The following ZRANB1 variants were observed in gnomAD, a reference collection of about 807,000 sequenced individuals.
ZRANB1 encodes the protein ubiquitin thioesterase ZRANB1.
Under a neutral mutation model 80.5 loss-of-function variants are expected in ZRANB1, and 16 were observed. That is an observed-to-expected ratio of 0.20 (90% CI 0.13 to 0.30). The LOEUF (loss-of-function observed/expected upper bound fraction) is 0.30, where lower values mean the gene tolerates loss of function less well. Among genes scored for constraint, ZRANB1 ranks in the 10% least tolerant of loss-of-function variants. The pLI is 1.00. For synonymous variants in ZRANB1, 291 were observed against 293.1 expected (o/e 0.99, Z 0.07); for missense variants, 576 against 862.6 (o/e 0.67, Z 4.16).
the ZRANB1 span, among the ~76,000 whole-genome samples, chr10:124,935,267 A>G: frequency 6.6e-6 from 1 of 152,178 alleles, no homozygotes; most frequent in Non-Finnish European, 1.5e-5. Context: ...TGAGAGAAAA[A>G]CATGTAATAG....
At chr10:124,936,629 A>G in the ZRANB1 span, among the ~76,000 whole-genome samples, 1 of 152,178 alleles carries the variant, frequency 6.6e-6, no homozygotes, top group Non-Finnish European at 1.5e-5. Context: ...CCTGTTGACT[A>G]TTGCGAAGAA....
At chr10:124,982,729 T>C (rs1356145634) in intron 6 of ZRANB1, among the ~76,000 whole-genome samples, 1 of 152,210 alleles carries the variant, frequency 6.6e-6, no homozygotes, top group Non-Finnish European at 1.5e-5. Flanking sequence ...GATGGACCCA[T>C]TTAATATTAG....
chr10:124,936,839 T>C, the ZRANB1 span, among the ~76,000 whole-genome samples: 2 of 152,208 alleles, frequency 1.3e-5, no homozygotes, highest in African/African-American at 4.8e-5. Flanking sequence ...ATCCCTAAGA[T>C]GTTCTCTGAG....
At chr10:124,950,355 T>A (rs928447931) in intron 1 of ZRANB1, among the ~76,000 whole-genome samples, 1 of 151,984 alleles carries the variant, frequency 6.6e-6, no homozygotes, top group Non-Finnish European at 1.5e-5. Flanking sequence ...AACTCCTGGG[T>A]TCAAGCAGCC....
At chr10:124,978,874 C>A (rs1182986373) in intron 5 of ZRANB1, among the ~76,000 whole-genome samples, 4 of 150,322 alleles carry the variant, frequency 2.7e-5, no homozygotes, top group African/African-American at 9.8e-5. Flanking sequence ...CAGACTCCCA[C>A]CTCGGCCTCC....
intron 5 of ZRANB1, among the ~76,000 whole-genome samples, chr10:124,977,049 C>G (rs558420668): frequency 6.6e-6 from 1 of 152,200 alleles, no homozygotes; most frequent in Non-Finnish European, 1.5e-5. Flanking sequence ...CTCACTGCAT[C>G]CTTCACTTTC....
chr10:124,958,957 C>T (rs553615750), intron 1 of ZRANB1, among the ~76,000 whole-genome samples: 20 of 152,186 alleles, frequency 1.3e-4, no homozygotes, highest in Non-Finnish European at 2.4e-4. Context: ...ATTACAGCGG[C>T]GAGCCTTGGC....
At chr10:124,953,375 A>C (rs1377272242) in intron 1 of ZRANB1, among the ~76,000 whole-genome samples, 1 of 152,220 alleles carries the variant, frequency 6.6e-6, no homozygotes, top group Non-Finnish European at 1.5e-5. Context: ...TTTCCAAGAC[A>C]CAAATGGTAA....
chr10:124,933,832 AC>A, the ZRANB1 span, among the ~76,000 whole-genome samples: 1 of 152,194 alleles, frequency 6.6e-6, no homozygotes. Flanking sequence ...CTTTCTTGTT[AC>A]GATTGAGGAA....
At chr10:124,929,975 A>G in the ZRANB1 span, among the ~76,000 whole-genome samples, 44 of 150,102 alleles carry the variant, frequency 2.9e-4, no homozygotes, top group Non-Finnish European at 5.2e-4. Flanking sequence ...GATATGGGGT[A>G]CTTTAAGAGG....
At chr10:124,965,974 C>A (rs1404153444) in intron 1 of ZRANB1, among the ~76,000 whole-genome samples, 1 of 152,126 alleles carries the variant, frequency 6.6e-6, no homozygotes, top group Non-Finnish European at 1.5e-5. Flanking sequence ...TATATGAAAT[C>A]ATCTGGTCCA....
At chr10:124,978,411 G>A (rs921689283) in intron 5 of ZRANB1, among the ~76,000 whole-genome samples, 8 of 152,132 alleles carry the variant, frequency 5.3e-5, no homozygotes, top group African/African-American at 1.9e-4. Context: ...TCTTTTATTT[G>A]AACCCCTCCA....
chr10:124,930,406 T>A, the ZRANB1 span, among the ~76,000 whole-genome samples: 1 of 152,122 alleles, frequency 6.6e-6, no homozygotes, highest in Non-Finnish European at 1.5e-5. Flanking sequence ...GCTGGGATTA[T>A]AGGTACCCAC....
the ZRANB1 span, among the ~76,000 whole-genome samples, chr10:124,931,784 T>C: frequency 6.6e-6 from 1 of 152,198 alleles, no homozygotes; most frequent in Non-Finnish European, 1.5e-5. Context: ...TCTACATCCT[T>C]CCACAGAGTG....
At chr10:124,960,606 G>A (rs182901807) in intron 1 of ZRANB1, among the ~76,000 whole-genome samples, 1 of 152,242 alleles carries the variant, frequency 6.6e-6, no homozygotes, top group East Asian at 1.9e-4. Flanking sequence ...TTTTTGTAAA[G>A]ATGAGATCTT....
chr10:124,940,794 T>A (rs1321706603), upstream of ZRANB1, among the ~76,000 whole-genome samples: 1 of 152,042 alleles, frequency 6.6e-6, no homozygotes, highest in Non-Finnish European at 1.5e-5. Context: ...CCGGCCAAGA[T>A]GCTGAAACCC....
intron 1 of ZRANB1, among the ~76,000 whole-genome samples, chr10:124,957,484 AAC>A (rs1951696134): frequency 6.6e-6 from 1 of 152,100 alleles, no homozygotes; most frequent in Admixed American, 6.6e-5. Context: ...ATTGTTGTGT[AAC>A]CATTTCTACC....
intron 1 of ZRANB1, among the ~76,000 whole-genome samples, chr10:124,954,056 G>A (rs974838333): frequency 6.7e-6 from 1 of 148,358 alleles, no homozygotes; most frequent in East Asian, 2.0e-4. Flanking sequence ...AGCCTCGAAT[G>A]CCCAGGCTCA....
intron 2 of ZRANB1, among the ~76,000 whole-genome samples, chr10:124,971,307 T>C (rs1951823172): frequency 6.6e-6 from 1 of 152,242 alleles, no homozygotes. Context: ...GTTCTAGCCT[T>C]CTTTGGTTTG....
Sources: gnomAD v4.1 joint callset for allele counts (sites outside exome capture counted in the v4.1 genomes callset) on GRCh38, gnomAD v4.1.1 for gene constraint, MANE v1.5 for transcripts, NCBI Gene and HGNC (gene_info 2026-07-23, HGNC 2026-07-21) for gene names.